The following COL25A1 variants were observed in gnomAD, a reference collection of about 807,000 sequenced individuals.
The protein encoded by COL25A1 is collagen alpha-1(XXV) chain.
A neutral mutation model predicts 128.4 loss-of-function variants in COL25A1; 103 were observed. The observed-to-expected ratio is 0.80, with a 90% CI of 0.68 to 0.94. The LOEUF (loss-of-function observed/expected upper bound fraction) is 0.94, where lower values mean the gene tolerates loss of function less well. Ranked by LOEUF, COL25A1 falls within the 40% of genes least tolerant of loss-of-function variation. COL25A1 has a pLI of 0.00. For missense variants in COL25A1, 745 were observed against 840.0 expected (o/e 0.89, Z 1.40); for synonymous variants, 279 against 277.2 (o/e 1.01, Z -0.06).
intron 16 of COL25A1, among the ~76,000 whole-genome samples, chr4:108,892,523 G>A (rs1352108099): frequency 1.3e-5 from 2 of 152,158 alleles, no homozygotes; most frequent in Non-Finnish European, 2.9e-5. Flanking sequence ...GCTGAGAGCT[G>A]GGAGATAACA....
intron 11 of COL25A1, among the ~76,000 whole-genome samples, chr4:108,930,372 G>A (rs1746584430): frequency 1.3e-5 from 2 of 152,256 alleles, no homozygotes; most frequent in African/African-American, 2.4e-5. Flanking sequence ...CCAGCCACCT[G>A]ACCTTCAGGT....
chr4:109,297,209 C>T (rs187521339), intron 3 of COL25A1, among the ~76,000 whole-genome samples: 22 of 152,136 alleles, frequency 1.4e-4, no homozygotes, highest in South Asian at 1.0e-3. Flanking sequence ...ATGCAAGTTT[C>T]CCAGGGTGAC....
At chr4:108,934,796 T>G (rs1469088837) in intron 11 of COL25A1, among the ~76,000 whole-genome samples, 1 of 152,204 alleles carries the variant, frequency 6.6e-6, no homozygotes, top group Non-Finnish European at 1.5e-5. Flanking sequence ...TATGTTGATT[T>G]AAGAAAATCT....
At chr4:109,007,577 C>T (rs1353065861) in intron 6 of COL25A1, among the ~76,000 whole-genome samples, 1 of 152,066 alleles carries the variant, frequency 6.6e-6, no homozygotes. Flanking sequence ...CTTCCTTTTG[C>T]TGTGATGTGA....
In COL25A1 at chr4:109,068,069, C is replaced by T. The variant is rs1267508902; in HGVS notation, c.368-17890G>A. 2.0e-5 allele frequency among the ~76,000 whole-genome samples: 3 copies of T among 152,188 alleles called. No individual in the cohort carries two copies. In the East Asian group the frequency reaches 5.8e-4, roughly 29 times the overall value. On this transcript the variant is annotated intron_variant, in intron 3 of 37. Coordinates refer to ENST00000399132, the MANE Select transcript of COL25A1 (RefSeq NM_198721.4). ...GGGTGCGTGCCATTGCTTTCGGTGG[C>T]TCCTCCAAGGCCAGCTGTGCATATC...
intron 3 of COL25A1, among the ~76,000 whole-genome samples, chr4:109,106,725 G>A (rs1204652727): frequency 6.8e-6 from 1 of 147,720 alleles, no homozygotes; most frequent in African/African-American, 2.5e-5. Context: ...ATCACTTTGG[G>A]ACTATATGCA....
At chr4:108,838,377 A>G (rs1188740597) in intron 31 of COL25A1, among the ~76,000 whole-genome samples, 1 of 152,236 alleles carries the variant, frequency 6.6e-6, no homozygotes, top group Non-Finnish European at 1.5e-5. Flanking sequence ...TATTCTAGAA[A>G]CCAAAACTCC....
At chr4:108,982,988 G>A (rs1002284157) in intron 6 of COL25A1, among the ~76,000 whole-genome samples, 1 of 152,150 alleles carries the variant, frequency 6.6e-6, no homozygotes, top group African/African-American at 2.4e-5. Context: ...TAAGACTGAT[G>A]TAGCTCAATG....
At chr4:109,053,781 T>C (rs1317629131) in intron 3 of COL25A1, among the ~76,000 whole-genome samples, 1 of 152,220 alleles carries the variant, frequency 6.6e-6, no homozygotes, top group Non-Finnish European at 1.5e-5. Flanking sequence ...AGGAAGCATT[T>C]AGAGAAAAGT....
At chr4:109,184,441 G>A (rs1774954873) in intron 3 of COL25A1, among the ~76,000 whole-genome samples, 2 of 151,992 alleles carry the variant, frequency 1.3e-5, no homozygotes, top group South Asian at 4.2e-4. Flanking sequence ...TCATGTCCAG[G>A]GCCTAACGAA....
chr4:109,287,429 AC>A (rs1192190654), intron 3 of COL25A1, among the ~76,000 whole-genome samples: 1 of 152,202 alleles, frequency 6.6e-6, no homozygotes, highest in Non-Finnish European at 1.5e-5. Flanking sequence ...ATGACCTTTC[AC>A]CTTTGCCAGA....
Position 109,065,532 on chromosome 4 carries a change from ACG to A in COL25A1, c.368-15355_368-15354del, listed in dbSNP as rs560432083. On this transcript the variant is annotated intron_variant, in intron 3 of 37. Coordinates refer to ENST00000399132, the MANE Select transcript of COL25A1 (RefSeq NM_198721.4). ...CTTGCAAATACCTTTTTGGTGCAGCACGCGCGCGCGCGCGTGTGTGTGTGTGT... is the reference window on the plus strand; with the variant it reads ...CTTGCAAATACCTTTTTGGTGCAGCACGCGCGCGCGCGTGTGTGTGTGTGT... Among the ~76,000 whole-genome samples the A allele has an allele frequency of 3.9e-3, 496 of 126,564 alleles. 7 individuals carry two copies. Among genetic ancestry groups the A allele is most frequent in the African/African-American group, 0.011 (380 of 33,224 alleles). The allele number at this position is 126,564 out of a possible 152,430, so 83.0% of individuals were successfully genotyped here.
chr4:108,814,755 G>A lies in COL25A1; in HGVS notation c.1963-826C>T, dbSNP rs139967354. On this transcript the variant is annotated intron_variant, in intron 37 of 37. Coordinates refer to ENST00000399132, the MANE Select transcript of COL25A1 (RefSeq NM_198721.4). ...CGCTGCTGTGTTTATTAGGTTGTAG[G>A]GCACAGTGGCAAATGTTTGCTTGAC... 1.1e-3 allele frequency among the ~76,000 whole-genome samples: 172 copies of A among 152,222 alleles called. 2 individuals are homozygous for A. The East Asian group carries it at 0.026, about 23-fold the overall frequency.
At position 109,290,965 on chromosome 4, in the gene COL25A1, A is replaced by G. The variant is rs28501535; in HGVS notation, c.367+9618T>C. Among the ~76,000 whole-genome samples the G allele has an allele frequency of 1.3e-3, 193 of 152,226 alleles. 3 individuals carry two copies. Among genetic ancestry groups the G allele is most frequent in the African/African-American group, 4.2e-3 (173 of 41,548 alleles). ...CTGATAGTCTTTTTGCAGAAGACAA[A>G]GTAACCAGTTAAAAAAGAAGTCATT... On this transcript the variant is annotated intron_variant, in intron 3 of 37. Coordinates refer to ENST00000399132, the MANE Select transcript of COL25A1 (RefSeq NM_198721.4).
At chr4:109,162,380 C>T (rs1321904408) in intron 3 of COL25A1, among the ~76,000 whole-genome samples, 1 of 152,134 alleles carries the variant, frequency 6.6e-6, no homozygotes, top group Non-Finnish European at 1.5e-5. Flanking sequence ...TTGTTAAGGT[C>T]AGCAGTCTAA....
intron 3 of COL25A1, among the ~76,000 whole-genome samples, chr4:109,277,321 T>C (rs1472895644): frequency 6.6e-6 from 1 of 152,196 alleles, no homozygotes; most frequent in African/African-American, 2.4e-5. Context: ...AAGTCCATTA[T>C]TATCCATATA....
chr4:109,049,138 C>A (rs945476332), intron 4 of COL25A1, among the ~76,000 whole-genome samples: 1 of 151,940 alleles, frequency 6.6e-6, no homozygotes, highest in African/African-American at 2.4e-5. Flanking sequence ...AGAAAAAAAA[C>A]CACACATTAA....
intron 17 of COL25A1, among the ~76,000 whole-genome samples, 160 bp from the exon 18 acceptor site, chr4:108,889,416 GAT>G (rs1491378304): frequency 2.7e-5 from 3 of 112,240 alleles, no homozygotes; most frequent in African/African-American, 9.6e-5. Flanking sequence ...TAGACATACG[GAT>G]TTTTTTTTTT....
chr4:108,850,989 T>C (rs1735707434), intron 26 of COL25A1, among the ~76,000 whole-genome samples: 1 of 152,052 alleles, frequency 6.6e-6, no homozygotes, highest in Non-Finnish European at 1.5e-5. Context: ...ATGAGATATG[T>C]ATTTAGCTTT....
Sources: allele counts gnomAD v4.1 joint callset (sites outside exome capture counted in the v4.1 genomes callset), GRCh38; gene constraint gnomAD v4.1.1; transcripts MANE v1.5; gene names NCBI Gene and HGNC (gene_info 2026-07-23, HGNC 2026-07-21).